LINGO2: variants seen among roughly 807,000 people sequenced by gnomAD.
LINGO2 encodes leucine rich repeat and Ig domain containing 2.
A neutral mutation model predicts 30.6 loss-of-function variants in LINGO2; 14 were observed. The ratio of observed to expected loss-of-function variants is 0.46; its 90% CI spans 0.30 to 0.72. The LOEUF is 0.72. Ranked by LOEUF, LINGO2 falls within the 30% of genes least tolerant of loss-of-function variation. The pLI is 0.07. For missense variants in LINGO2, 729 were observed against 751.7 expected (o/e 0.97, Z 0.35); for synonymous variants, 317 against 288.5 (o/e 1.10, Z -1.00).
chr9:28,870,663 A>G, the LINGO2 span, among the ~76,000 whole-genome samples: 1 of 152,098 alleles, frequency 6.6e-6, no homozygotes, highest in African/African-American at 2.4e-5. Flanking sequence ...TTTGCAGCTT[A>G]TATACCGTAC....
At chr9:28,000,753 A>T (rs532633751) in intron 5 of LINGO2, among the ~76,000 whole-genome samples, 8 of 152,332 alleles carry the variant, frequency 5.3e-5, no homozygotes, top group Non-Finnish European at 8.8e-5. Flanking sequence ...TTTATTTGCC[A>T]AGAAAGTACA....
intron 1 of LINGO2, among the ~76,000 whole-genome samples, chr9:28,588,130 G>GTGTTCTAGCCTATTTGGAC: frequency 6.6e-6 from 1 of 152,100 alleles, no homozygotes; most frequent in Admixed American, 6.6e-5. Flanking sequence ...GCTAGAAAGT[G>GTGTTCTAGCCTATTTGGAC]ACTTGTCCAA....
intron 4 of LINGO2, among the ~76,000 whole-genome samples, chr9:28,235,644 G>T: frequency 6.6e-6 from 1 of 152,158 alleles, no homozygotes; most frequent in Admixed American, 6.5e-5. Flanking sequence ...AACAGAGATT[G>T]TAATAAAAAG....
chr9:29,056,073 C>T, the LINGO2 span, among the ~76,000 whole-genome samples: 11 of 151,856 alleles, frequency 7.2e-5, no homozygotes, highest in Non-Finnish European at 1.5e-4. Flanking sequence ...CTGCTATAAA[C>T]ATTCATGTGC....
At chr9:28,255,311 G>A (rs564177338) in intron 4 of LINGO2, among the ~76,000 whole-genome samples, 9 of 151,840 alleles carry the variant, frequency 5.9e-5, no homozygotes, top group East Asian at 1.9e-4. Flanking sequence ...GTCCCCACTC[G>A]GAATGGCTTT....
chr9:28,684,227 G>T, the LINGO2 span, among the ~76,000 whole-genome samples: 4 of 88,750 alleles, frequency 4.5e-5, no homozygotes, highest in East Asian at 1.5e-3. Flanking sequence ...TTTCTCTGTC[G>T]CCCAGGCTGG....
intron 3 of LINGO2, among the ~76,000 whole-genome samples, chr9:28,366,069 T>C (rs1422370696): frequency 6.6e-6 from 1 of 152,144 alleles, no homozygotes; most frequent in African/African-American, 2.4e-5. Flanking sequence ...TCAGACCCCT[T>C]TCTAAGTCTA....
In LINGO2 at chr9:28,148,088, CG is replaced by C; in HGVS notation, c.-86-135684del. The C allele has an allele frequency of 3.6e-6, 4 of 1,103,212 alleles. No homozygotes were observed. The highest frequency in any genetic ancestry group is 4.5e-6 in the Non-Finnish European group (4 of 880,910). 68.3% of individuals were successfully genotyped at this position (1,103,212 alleles called of 1,614,324 possible). Reference sequence around the variant, plus strand: ...TGTCCATGAGGCCTTCCCAGCTGGCCGGGCTAACCCCGCGGCTCCTGCACCT... The same window carrying C: ...TGTCCATGAGGCCTTCCCAGCTGGCCGGCTAACCCCGCGGCTCCTGCACCT... On this transcript the variant is annotated intron_variant, in intron 4 of 5. Transcript: ENST00000379992. The surrounding 1 kb of genome is among the most constrained non-coding windows in gnomAD (Gnocchi z 5.1).
the LINGO2 span, among the ~76,000 whole-genome samples, chr9:28,689,855 G>T: frequency 6.6e-6 from 1 of 152,134 alleles, no homozygotes. Context: ...ATAAAAAAAT[G>T]TGGTACATAT....
intron 3 of LINGO2, among the ~76,000 whole-genome samples, chr9:28,311,862 G>C (rs531529277): frequency 2.0e-5 from 3 of 152,298 alleles, no homozygotes; most frequent in South Asian, 2.1e-4. Flanking sequence ...GAAATCACAA[G>C]GGTATTGATA....
At chr9:28,247,780 A>G (rs1480170426) in intron 4 of LINGO2, among the ~76,000 whole-genome samples, 2 of 152,208 alleles carry the variant, frequency 1.3e-5, no homozygotes, top group Non-Finnish European at 2.9e-5. Flanking sequence ...TGAATATCCA[A>G]TTACAAAATG....
chr9:29,100,801 C>T, the LINGO2 span, among the ~76,000 whole-genome samples: 28,729 of 151,860 alleles, frequency 0.19, 2,875 homozygotes, highest in East Asian at 0.34. Flanking sequence ...TTATGTATTG[C>T]GTGCCTGTAT....
chr9:28,077,712 A>T (rs1488458096), intron 4 of LINGO2, among the ~76,000 whole-genome samples: 1 of 148,746 alleles, frequency 6.7e-6, no homozygotes, highest in East Asian at 1.9e-4. Context: ...AAAAATAAAA[A>T]CCAAAACCCA....
At chr9:28,120,530 A>G (rs1399143293) in intron 4 of LINGO2, among the ~76,000 whole-genome samples, 4 of 152,236 alleles carry the variant, frequency 2.6e-5, no homozygotes, top group Admixed American at 6.5e-5. Flanking sequence ...TCAGTGTTAA[A>G]GGGTCCTTTT....
At chr9:28,904,005 T>C in the LINGO2 span, among the ~76,000 whole-genome samples, 1 of 152,082 alleles carries the variant, frequency 6.6e-6, no homozygotes, top group African/African-American at 2.4e-5. Flanking sequence ...AAAAGGAACA[T>C]TGCCGATGAT....
At chr9:28,497,440 G>T (rs896363160) in intron 1 of LINGO2, among the ~76,000 whole-genome samples, 1 of 152,094 alleles carries the variant, frequency 6.6e-6, no homozygotes, top group African/African-American at 2.4e-5. Flanking sequence ...CTTTCTTCCA[G>T]TTGATCGAAT....
At chr9:29,081,435 A>G in the LINGO2 span, among the ~76,000 whole-genome samples, 4 of 152,138 alleles carry the variant, frequency 2.6e-5, no homozygotes, top group Admixed American at 1.3e-4. Context: ...TGTATCTCAA[A>G]ATAATAAGAG....
At chr9:28,675,716 C>A in the LINGO2 span, among the ~76,000 whole-genome samples, 1 of 151,094 alleles carries the variant, frequency 6.6e-6, no homozygotes, top group South Asian at 2.1e-4. Flanking sequence ...ACTAAACATA[C>A]AAAAATTAGC....
the LINGO2 span, among the ~76,000 whole-genome samples, chr9:28,775,746 G>GT: frequency 6.6e-6 from 1 of 152,128 alleles, no homozygotes; most frequent in South Asian, 2.1e-4. Flanking sequence ...GTACTTCTTA[G>GT]TTTATTCTCC....
Sources: gnomAD v4.1 joint callset for allele counts (sites outside exome capture counted in the v4.1 genomes callset) on GRCh38, gnomAD v4.1.1 for gene constraint, Gnocchi (gnomAD v3.1) non-coding constraint, MANE v1.5 for transcripts, NCBI Gene and HGNC (gene_info 2026-07-23, HGNC 2026-07-21) for gene names.